The following TLE4 variants were observed in gnomAD, a reference collection of about 807,000 sequenced individuals.
TLE4 encodes the protein transducin-like enhancer protein 4.
Under a neutral mutation model 92.8 loss-of-function variants are expected in TLE4, and 8 were observed. The observed-to-expected ratio is 0.09, with a 90% CI of 0.05 to 0.16. TLE4 has a LOEUF of 0.16. Among genes scored for constraint, TLE4 ranks in the 10% least tolerant of loss-of-function variants. The pLI, the probability that TLE4 is intolerant of heterozygous loss-of-function variation, is 1.00. For synonymous variants in TLE4, 371 were observed against 374.1 expected, an observed-to-expected ratio of 0.99 and a Z score of 0.10; for missense variants, 675 against 997.6, an observed-to-expected ratio of 0.68 and a Z score of 4.36.
rs2051314591 is a variant in TLE4 at position 79,622,657 on chromosome 9, A to C, written c.316-4717A>C. On this transcript the variant is annotated intron_variant, in intron 5 of 19. Transcript: ENST00000376552. ...CTTGATAGAGTTTAAATTCTATGAG[A>C]TCAAAGACTATGGTTCTTGTTCCTT... Among the ~76,000 whole-genome samples the C allele has an allele frequency of 2.0e-5, 3 of 152,296 alleles. No individual in the cohort carries two copies. In the South Asian group the frequency reaches 6.2e-4, roughly 32 times the overall value.
At chr9:79,640,746 C>T (rs1175333513) in intron 6 of TLE4, among the ~76,000 whole-genome samples, 2 of 152,086 alleles carry the variant, frequency 1.3e-5, no homozygotes, top group African/African-American at 4.8e-5. Context: ...TGTTTGAACC[C>T]CCTGCATTAC....
chr9:79,606,187 GTTTTTTTTTTTTTTT>G (rs71364420), intron 4 of TLE4, among the ~76,000 whole-genome samples: 432 of 28,708 alleles, frequency 0.015, 5 homozygotes, highest in African/African-American at 0.029. Context: ...AGTAGTAGTT[GTTTTTTTTTTTTTTT>G]TTTTTTTTTT....
At chr9:79,621,503 G>A (rs755776978) in intron 5 of TLE4, among the ~76,000 whole-genome samples, 1 of 152,182 alleles carries the variant, frequency 6.6e-6, no homozygotes, top group Non-Finnish European at 1.5e-5. Flanking sequence ...TTTCAACTTA[G>A]TATTAGGGCT....
intron 4 of TLE4, among the ~76,000 whole-genome samples, chr9:79,600,043 T>C (rs191952800): frequency 6.6e-6 from 1 of 152,330 alleles, no homozygotes; most frequent in East Asian, 1.9e-4. Flanking sequence ...AAATAGTAAG[T>C]AGATATTTAA....
intron 6 of TLE4, among the ~76,000 whole-genome samples, chr9:79,638,006 T>G (rs898133579): frequency 6.6e-5 from 10 of 152,144 alleles, no homozygotes; most frequent in Middle Eastern, 3.2e-3. Context: ...GTGGGGTGCA[T>G]GTAGACAAAA....
intron 5 of TLE4, among the ~76,000 whole-genome samples, chr9:79,615,109 C>A (rs1228232702): frequency 6.6e-6 from 1 of 152,002 alleles, no homozygotes; most frequent in Non-Finnish European, 1.5e-5. Context: ...GAACATCGTC[C>A]ACCTTGTTTC....
intron 8 of TLE4, among the ~76,000 whole-genome samples, chr9:79,681,832 ATG>A (rs35005870): frequency 0.041 from 5,857 of 141,586 alleles, 203 homozygotes; most frequent in African/African-American, 0.1. Context: ...GAGTGTGTGC[ATG>A]TGTGTGTGTG....
intron 5 of TLE4, among the ~76,000 whole-genome samples, chr9:79,615,938 G>A (rs1259395434): frequency 6.6e-6 from 1 of 152,146 alleles, no homozygotes; most frequent in Non-Finnish European, 1.5e-5. Context: ...TCATCACTTG[G>A]AGTTCATAGA....
chr9:79,663,870 C>T (rs1353274028), intron 8 of TLE4, among the ~76,000 whole-genome samples: 1 of 152,084 alleles, frequency 6.6e-6, no homozygotes, highest in Admixed American at 6.6e-5. Flanking sequence ...TGTGGATAAA[C>T]ACAAAACAAG....
At chr9:79,682,574 T>C (rs2135321688) in intron 8 of TLE4, among the ~76,000 whole-genome samples, 1 of 152,126 alleles carries the variant, frequency 6.6e-6, no homozygotes, top group Middle Eastern at 3.4e-3. Context: ...CATAAATCAG[T>C]GAAGGGAGGG....
intron 6 of TLE4, among the ~76,000 whole-genome samples, chr9:79,643,732 G>A (rs2057592839): frequency 6.6e-6 from 1 of 152,106 alleles, no homozygotes; most frequent in African/African-American, 2.4e-5. Context: ...GTGATCCATG[G>A]GGTGATACCT....
intron 8 of TLE4, among the ~76,000 whole-genome samples, chr9:79,660,678 A>G (rs1422839521): frequency 6.6e-6 from 1 of 152,234 alleles, no homozygotes; most frequent in African/African-American, 2.4e-5. Flanking sequence ...TTCAGTATTA[A>G]TTGATACCTG....
intron 4 of TLE4, among the ~76,000 whole-genome samples, chr9:79,606,673 A>G (rs2047068498): frequency 1.3e-5 from 2 of 152,046 alleles, no homozygotes; most frequent in African/African-American, 2.4e-5. Flanking sequence ...GATGATTTCC[A>G]GCTTCAACCA....
intron 14 of TLE4, among the ~76,000 whole-genome samples, chr9:79,716,333 C>T (rs542975660): frequency 2.6e-5 from 4 of 152,334 alleles, no homozygotes; most frequent in South Asian, 2.1e-4. Context: ...TTCAGCTCTC[C>T]GCGCATATGC....
intron 4 of TLE4, among the ~76,000 whole-genome samples, chr9:79,582,922 T>C (rs2040080741): frequency 6.6e-6 from 1 of 152,204 alleles, no homozygotes; most frequent in African/African-American, 2.4e-5. Flanking sequence ...ATGGAGTATT[T>C]ACACTGATAA....
intron 8 of TLE4, among the ~76,000 whole-genome samples, chr9:79,694,744 TTCA>T (rs2067851977): frequency 6.6e-6 from 1 of 152,018 alleles, no homozygotes; most frequent in South Asian, 2.1e-4. Flanking sequence ...GGCTTTTTCT[TTCA>T]TCATCTGTGT....
intron 4 of TLE4, among the ~76,000 whole-genome samples, chr9:79,589,953 G>GT (rs1292098455): frequency 1.3e-5 from 2 of 152,132 alleles, no homozygotes; most frequent in Non-Finnish European, 2.9e-5. Flanking sequence ...CTTGAGTTTT[G>GT]TAAGTAACCT....
chr9:79,723,050 G>A lies in TLE4; in HGVS notation c.2214+15G>A. 1 of 1,606,574 alleles carries A rather than the reference G, an allele frequency of 6.2e-7. No individual in the cohort carries two copies. Among genetic ancestry groups the A allele is most frequent in the Non-Finnish European group, 8.5e-7 (1 of 1,173,370 alleles). On this transcript the variant is annotated intron_variant, in intron 19 of 19. Transcript: ENST00000376552. ...GTATATTCCAGGTAACATGGAACTT[G>A]TTAACTACCACTTATGTTTGTTTAA...
At chr9:79,665,887 T>G (rs1472768199) in intron 8 of TLE4, among the ~76,000 whole-genome samples, 1 of 152,364 alleles carries the variant, frequency 6.6e-6, no homozygotes, top group East Asian at 1.9e-4. Flanking sequence ...TTGCCAGCTT[T>G]CTAGTTGTTA....
Sources: allele counts gnomAD v4.1 joint callset (sites outside exome capture counted in the v4.1 genomes callset), GRCh38; gene constraint gnomAD v4.1.1; transcripts MANE v1.5; gene names NCBI Gene and HGNC (gene_info 2026-07-23, HGNC 2026-07-21).